Variants in TENM3 observed in about 807,000 individuals in gnomAD.
The protein encoded by TENM3 is teneurin-3.
Under a neutral mutation model 255.1 loss-of-function variants are expected in TENM3, and 63 were observed. That is an observed-to-expected ratio of 0.25 (90% CI 0.20 to 0.30). The LOEUF is 0.30. Ranked by LOEUF, TENM3 falls within the 10% of genes least tolerant of loss-of-function variation. The probability of loss-of-function intolerance (pLI) is 1.00; values close to 1 mark genes in which losing one functional copy is unlikely to be tolerated. For synonymous variants in TENM3, 1,306 were observed against 1,322.3 expected (o/e 0.99, Z 0.27); for missense variants, 2,929 against 3,461.1 (o/e 0.85, Z 3.86).
intron 3 of TENM3, among the ~76,000 whole-genome samples, chr4:182,441,323 C>CACAG (rs939629374): frequency 6.6e-6 from 1 of 152,060 alleles, no homozygotes; most frequent in Non-Finnish European, 1.5e-5. Flanking sequence ...GTGAGAGAGA[C>CACAG]ACAGACAGAC....
At chr4:181,883,126 C>CTTTTTTTTTTTTTTTTT in the TENM3 span, among the ~76,000 whole-genome samples, 7 of 106,724 alleles carry the variant, frequency 6.6e-5, no homozygotes, top group South Asian at 3.0e-4. Context: ...TGCAATTAAT[C>CTTTTTTTTTTTTTTTTT]TTTTTTTTTT....
the TENM3 span, among the ~76,000 whole-genome samples, chr4:181,711,660 G>T: frequency 6.6e-6 from 1 of 152,286 alleles, no homozygotes; most frequent in Non-Finnish European, 1.5e-5. Context: ...ACCCAACTTG[G>T]TGACCTTCCA....
intron 3 of TENM3, among the ~76,000 whole-genome samples, chr4:182,498,579 C>G (rs968441832): frequency 1.3e-5 from 2 of 152,028 alleles, no homozygotes; most frequent in Admixed American, 1.3e-4. Flanking sequence ...CTTGGCCGGG[C>G]GTGGTGTCTC....
chr4:182,310,191 AG>A (rs5864777), intron 1 of TENM3, among the ~76,000 whole-genome samples: 36,755 of 151,978 alleles, frequency 0.24, 4,608 homozygotes, highest in Middle Eastern at 0.28. Flanking sequence ...TTGTTATTTC[AG>A]AAGCATATTT....
intron 1 of TENM3, among the ~76,000 whole-genome samples, chr4:182,288,766 G>T (rs926052871): frequency 6.6e-6 from 1 of 152,172 alleles, no homozygotes; most frequent in Non-Finnish European, 1.5e-5. Flanking sequence ...CTAGAGAACA[G>T]GCTGTTGCTA....
At chr4:182,523,073 C>A (rs1014955207) in intron 3 of TENM3, among the ~76,000 whole-genome samples, 1 of 152,064 alleles carries the variant, frequency 6.6e-6, no homozygotes, top group Admixed American at 6.5e-5. Flanking sequence ...TTTTTATATA[C>A]ATGTTGGCCA....
chr4:181,681,957 A>T, the TENM3 span, among the ~76,000 whole-genome samples: 1 of 152,162 alleles, frequency 6.6e-6, no homozygotes, highest in African/African-American at 2.4e-5. Flanking sequence ...ATCTCATACA[A>T]AAAGGAAAGC....
At chr4:182,401,187 C>A (rs1161822079) in intron 3 of TENM3, among the ~76,000 whole-genome samples, 1 of 152,106 alleles carries the variant, frequency 6.6e-6, no homozygotes, top group Non-Finnish European at 1.5e-5. Context: ...GAAACCTTAG[C>A]TTTTCATGAA....
chr4:182,125,536 A>G, the TENM3 span, among the ~76,000 whole-genome samples: 1 of 152,328 alleles, frequency 6.6e-6, no homozygotes, highest in Non-Finnish European at 1.5e-5. Context: ...ATTTAGCAGC[A>G]TGGAGATCTT....
the TENM3 span, among the ~76,000 whole-genome samples, chr4:181,876,709 C>A: frequency 5.3e-5 from 8 of 152,044 alleles, no homozygotes; most frequent in Non-Finnish European, 2.9e-5. Context: ...TGATTTAAAA[C>A]CCTTAAAACT....
the TENM3 span, among the ~76,000 whole-genome samples, chr4:182,060,775 G>T: frequency 0.013 from 1,951 of 152,222 alleles, 36 homozygotes; most frequent in African/African-American, 0.044. Flanking sequence ...CATAATTGCG[G>T]GTATAAACCA....
the TENM3 span, among the ~76,000 whole-genome samples, chr4:181,798,830 G>A: frequency 6.6e-5 from 10 of 152,320 alleles, no homozygotes; most frequent in Non-Finnish European, 1.2e-4. Context: ...TAATAAAAAC[G>A]ATGGTATGTG....
chr4:182,722,924 C>T (rs1319638973), intron 13 of TENM3, among the ~76,000 whole-genome samples: 6 of 152,102 alleles, frequency 3.9e-5, no homozygotes, highest in East Asian at 1.9e-4. Context: ...AAGGAAGAGA[C>T]GAGGAGTCCA....
intron 3 of TENM3, among the ~76,000 whole-genome samples, chr4:182,592,331 C>T (rs540377458): frequency 1.3e-5 from 2 of 152,228 alleles, no homozygotes; most frequent in African/African-American, 4.8e-5. Flanking sequence ...TAAGCTACAC[C>T]AAGGATTAGA....
chr4:182,464,203 G>A (rs1207433319), intron 3 of TENM3, among the ~76,000 whole-genome samples: 1 of 151,064 alleles, frequency 6.6e-6, no homozygotes, highest in Non-Finnish European at 1.5e-5. Flanking sequence ...ATTCAGCTAT[G>A]AGTCAAAGAA....
rs1341307139 is a variant in TENM3, at chr4:182,679,680, G to A, written c.1341G>A (p.Glu447=). Residue 447 remains glutamate (E), a synonymous_variant, in exon 8 of 28, where the codon GAG becomes GAA. Transcript: ENST00000511685. ...CCTCCCCCCAGTATGACTTCGTGGAGCTCCTGGATGGCAGCAGGCTGATTG... is the reference window on the plus strand; with the variant it reads ...CCTCCCCCCAGTATGACTTCGTGGAACTCCTGGATGGCAGCAGGCTGATTG... ...PPSHTQYDFV[E]LLDGSRLIAR... 1 of 1,612,540 alleles carries A rather than the reference G, an allele frequency of 6.2e-7. No individual in the cohort carries two copies. The highest frequency in any genetic ancestry group is 8.5e-7 in the Non-Finnish European group (1 of 1,179,610).
chr4:182,323,299 A>G (rs1301283719), intron 1 of TENM3, among the ~76,000 whole-genome samples: 2 of 152,166 alleles, frequency 1.3e-5, no homozygotes, highest in African/African-American at 4.8e-5. Context: ...CTAGAGAGGA[A>G]AATCCATTTT....
chr4:182,483,834 C>G (rs990211680), intron 3 of TENM3, among the ~76,000 whole-genome samples: 1 of 152,076 alleles, frequency 6.6e-6, no homozygotes, highest in African/African-American at 2.4e-5. Context: ...ATAGCCAGAG[C>G]AGGAGGAAGA....
chr4:182,043,048 A>G, the TENM3 span, among the ~76,000 whole-genome samples: 1 of 152,014 alleles, frequency 6.6e-6, no homozygotes, highest in Non-Finnish European at 1.5e-5. Context: ...AGCAGCAACT[A>G]CTATTGTTTT....
Sources: allele counts gnomAD v4.1 joint callset (sites outside exome capture counted in the v4.1 genomes callset), GRCh38; gene constraint gnomAD v4.1.1; transcripts MANE v1.5; gene names NCBI Gene and HGNC (gene_info 2026-07-23, HGNC 2026-07-21).